The following MIER2 variants were observed in gnomAD, a reference collection of about 807,000 sequenced individuals.
The protein encoded by MIER2 is MIER family member 2.
In MIER2, 30 loss-of-function variants were observed where a neutral mutation model predicts 67.6. That is an observed-to-expected ratio of 0.44 (90% CI 0.33 to 0.60). MIER2 has a LOEUF of 0.60. MIER2 is among the 20% of genes least tolerant of loss of function. MIER2 has a pLI of 0.02. For missense variants in MIER2, 702 were observed against 745.1 expected, an observed-to-expected ratio of 0.94 and a Z score of 0.67; for synonymous variants, 372 against 312.6, an observed-to-expected ratio of 1.19 and a Z score of -2.00.
chr19:311,748 C>T (rs575487516), intron 10 of MIER2, 97 bp downstream of exon 10: 55 of 1,187,450 alleles, frequency 4.6e-5, no homozygotes, highest in Middle Eastern at 2.0e-4. Context: ...ACACGGGGCT[C>T]CAGGCCTCCA....
intron 4 of MIER2, 113 bp from the exon 5 acceptor site, chr19:327,369 T>G: frequency 7.6e-7 from 1 of 1,315,792 alleles, no homozygotes; most frequent in Non-Finnish European, 1.0e-6. Context: ...CACATGGGGC[T>G]GCTATTCCCA....
intron 7 of MIER2, among the ~76,000 whole-genome samples, chr19:317,076 C>T (rs1971266347): frequency 6.6e-6 from 1 of 152,066 alleles, no homozygotes; most frequent in African/African-American, 2.4e-5. Context: ...CCTATTAATC[C>T]AAAAGAAGAT....
chr19:315,734 G>A (rs1238804829), intron 7 of MIER2, among the ~76,000 whole-genome samples: 4 of 152,220 alleles, frequency 2.6e-5, no homozygotes, highest in Non-Finnish European at 4.4e-5. Context: ...TCTAAGATAC[G>A]TGTAAATGAG....
chr19:309,503 G>A lies in MIER2; in HGVS notation c.985-578C>T, dbSNP rs144399996. Among the ~76,000 whole-genome samples the A allele has an allele frequency of 3.2e-4, 48 of 152,136 alleles. No individual in the cohort carries two copies. In the East Asian group the frequency reaches 7.0e-3, roughly 22 times the overall value. On this transcript the variant is annotated intron_variant, in intron 10 of 13. Coordinates refer to ENST00000264819, the MANE Select transcript of MIER2 (RefSeq NM_017550.3). ...AAGGACACATGGGTTCTGTGAACCC[G>A]ACAAAATTCCCAACGTAGCACATAA...
intron 7 of MIER2, among the ~76,000 whole-genome samples, chr19:320,094 G>A (rs1249745270): frequency 1.3e-5 from 2 of 152,170 alleles, no homozygotes; most frequent in South Asian, 2.1e-4. Flanking sequence ...CTTACTGCAG[G>A]CCGGGTGCAG....
At chr19:313,371 C>G (rs1600119934) in intron 8 of MIER2, 121 bp downstream of exon 8, 2 of 1,472,084 alleles carry the variant, frequency 1.4e-6, no homozygotes, top group East Asian at 4.6e-5. Flanking sequence ...CCCTGGCCCC[C>G]ACACACCTGA....
At chr19:314,956 G>T (rs191182914) in intron 7 of MIER2, among the ~76,000 whole-genome samples, 300 of 152,154 alleles carry the variant, frequency 2.0e-3, no homozygotes, top group Non-Finnish European at 3.5e-3. Flanking sequence ...TCCCAGCTAC[G>T]GTGGGATTGA....
At chr19:336,230 T>G in intron 1 of MIER2, 57 bp from the exon 2 acceptor site, 1 of 1,434,114 alleles carries the variant, frequency 7.0e-7, no homozygotes, top group Non-Finnish European at 9.7e-7. Flanking sequence ...CTGCTGGACA[T>G]CACAGTGTGG....
At chr19:329,512 C>G (rs1054486403) in intron 3 of MIER2, among the ~76,000 whole-genome samples, 4 of 152,172 alleles carry the variant, frequency 2.6e-5, no homozygotes, top group African/African-American at 9.7e-5. Context: ...CCCGTGGAAG[C>G]TGCAGCCAGT....
rs144763282 is a variant in MIER2 at position 341,831 on chromosome 19, G to A, written c.9+2943C>T. ...AGAGGACAACAGGCCACAGACCCAG[G>A]CGTCCACCAGGGTCTTCAGGCAGTA... On this transcript the variant is annotated intron_variant, in intron 1 of 13. Transcript: ENST00000264819. Among the ~76,000 whole-genome samples the A allele has an allele frequency of 5.3e-3, 803 of 152,256 alleles. 11 individuals are homozygous for A. The highest frequency in any genetic ancestry group is 0.019 in the African/African-American group (769 of 41,552).
Position 312,247 on chromosome 19 carries a change from T to G in MIER2, c.833A>C (p.Asn278Thr). The G allele has an allele frequency of 1.9e-6, 3 of 1,613,958 alleles. No homozygotes were observed. Among genetic ancestry groups the G allele is most frequent in the Non-Finnish European group, 2.5e-6 (3 of 1,179,884 alleles). The part of the protein sequence containing the change: ...EQALYELVKC[N>T]FNVEEALRRL... ...TCGCAGGGCCTCCTCCACATTGAAGTTGCATTTCACCAACTCGTACAGCGC... is the reference window on the plus strand; with the variant it reads ...TCGCAGGGCCTCCTCCACATTGAAGGTGCATTTCACCAACTCGTACAGCGC... Residue 278 changes from asparagine to threonine, a missense_variant, in exon 9 of 14, where the codon AAC becomes ACC. Coordinates refer to ENST00000264819, the MANE Select transcript of MIER2 (RefSeq NM_017550.3).
chr19:331,476 C>T (rs1972021551), intron 3 of MIER2, among the ~76,000 whole-genome samples: 1 of 151,932 alleles, frequency 6.6e-6, no homozygotes, highest in Admixed American at 6.6e-5. Flanking sequence ...GAGACCAACC[C>T]TAGCAACATA....
At chr19:321,895 T>C (rs1971519655) in intron 7 of MIER2, among the ~76,000 whole-genome samples, 1 of 151,850 alleles carries the variant, frequency 6.6e-6, no homozygotes, top group Admixed American at 6.6e-5. Context: ...TGTTTTTATT[T>C]TTATTTTTAT....
At chr19:312,435 G>A (rs1341360831) in intron 8 of MIER2, among the ~76,000 whole-genome samples, 163 bp from the exon 9 acceptor site, 4 of 136,198 alleles carry the variant, frequency 2.9e-5, no homozygotes, top group African/African-American at 8.5e-5. Context: ...ATCAGGGGCC[G>A]TCCACACCAC....
chr19:336,402 G>A (rs1364215824), intron 1 of MIER2, among the ~76,000 whole-genome samples: 1 of 152,256 alleles, frequency 6.6e-6, no homozygotes, highest in Non-Finnish European at 1.5e-5. Context: ...AGGCGTTCTC[G>A]CCCAGGGCAG....
At chr19:324,992 C>T (rs1971676137) in intron 7 of MIER2, among the ~76,000 whole-genome samples, 1 of 152,258 alleles carries the variant, frequency 6.6e-6, no homozygotes, top group Admixed American at 6.5e-5. Context: ...TCTCCCTGGA[C>T]TCAGTACTTC....
At chr19:326,671 C>A in intron 5 of MIER2, 73 bp from the exon 6 acceptor site, 1 of 1,188,708 alleles carries the variant, frequency 8.4e-7, no homozygotes, top group Non-Finnish European at 1.3e-6. Flanking sequence ...CTCTCCACTC[C>A]CATTCTCCAT....
intron 10 of MIER2, among the ~76,000 whole-genome samples, chr19:309,427 A>C (rs1032024973): frequency 6.6e-6 from 1 of 151,990 alleles, no homozygotes; most frequent in Non-Finnish European, 1.5e-5. Flanking sequence ...CACCGAACAC[A>C]TCCCTCCAGG....
intron 7 of MIER2, among the ~76,000 whole-genome samples, chr19:317,331 C>G (rs377271366): frequency 2.0e-5 from 3 of 151,688 alleles, no homozygotes; most frequent in Non-Finnish European, 4.4e-5. Flanking sequence ...ATCGAGACCA[C>G]CCGGGCTAAC....
Sources: allele counts gnomAD v4.1 joint callset (sites outside exome capture counted in the v4.1 genomes callset), GRCh38; gene constraint gnomAD v4.1.1; transcripts MANE v1.5; gene names NCBI Gene and HGNC (gene_info 2026-07-23, HGNC 2026-07-21).